SPATA9: variants seen among roughly 807,000 people sequenced by gnomAD.
SPATA9 encodes the protein spermatogenesis-associated protein 9.
Under a neutral mutation model 25.5 loss-of-function variants are expected in SPATA9, and 27 were observed. The observed-to-expected ratio is 1.06, with a 90% CI of 0.78 to 1.46. The LOEUF is 1.46. SPATA9 is among the 40% of genes most tolerant of loss of function. The pLI, the probability that SPATA9 is intolerant of heterozygous loss-of-function variation, is 0.00. For synonymous variants in SPATA9, 102 were observed against 105.7 expected, an observed-to-expected ratio of 0.97 and a Z score of 0.21; for missense variants, 282 against 297.5, an observed-to-expected ratio of 0.95 and a Z score of 0.38.
At chr5:95,729,669 C>G in the SPATA9 span, among the ~76,000 whole-genome samples, 1 of 152,088 alleles carries the variant, frequency 6.6e-6, no homozygotes, top group Non-Finnish European at 1.5e-5. Context: ...TGTTGAACAA[C>G]GCCCCCTTTT....
rs536568318 is a variant in SPATA9, at chr5:95,660,061, G to A, written c.475-1148C>T. ...AGACCCTGTTGTCTTAGGCTTTTAGGGCTGCTGTAACAAAATACCATGAAC... is the reference window on the plus strand; with the variant it reads ...AGACCCTGTTGTCTTAGGCTTTTAGAGCTGCTGTAACAAAATACCATGAAC... On this transcript the variant is annotated intron_variant, in intron 4 of 4. Coordinates refer to ENST00000274432, the MANE Select transcript of SPATA9 (RefSeq NM_031952.4). Among the ~76,000 whole-genome samples the A allele has an allele frequency of 2.0e-5, 3 of 152,116 alleles. No homozygotes were observed. In the South Asian group the frequency reaches 6.2e-4, roughly 32 times the overall value.
intron 2 of SPATA9, among the ~76,000 whole-genome samples, chr5:95,681,795 A>G (rs1753484294): frequency 6.6e-6 from 1 of 152,214 alleles, no homozygotes; most frequent in South Asian, 2.1e-4. Context: ...TTTTGGTTAT[A>G]TACCTCATGT....
At chr5:95,707,795 G>C in the SPATA9 span, among the ~76,000 whole-genome samples, 1 of 152,116 alleles carries the variant, frequency 6.6e-6, no homozygotes, top group Non-Finnish European at 1.5e-5. Flanking sequence ...TTAGCTAAGG[G>C]AGAGTCAATT....
intron 3 of SPATA9, among the ~76,000 whole-genome samples, chr5:95,665,651 G>A (rs1485461065): frequency 6.6e-6 from 1 of 152,138 alleles, no homozygotes; most frequent in Non-Finnish European, 1.5e-5. Context: ...TCTATATCCA[G>A]GCTATTGTGA....
At position 95,682,792 on chromosome 5, in the gene SPATA9, A is replaced by C; in HGVS notation, c.61+2T>G. The C allele has an allele frequency of 6.5e-7, 1 of 1,544,888 alleles. No homozygotes were observed. Among genetic ancestry groups the C allele is most frequent in the Non-Finnish European group, 8.7e-7 (1 of 1,150,076 alleles). On this transcript the variant is annotated splice_donor_variant, in intron 1 of 4. Coordinates refer to ENST00000274432, the MANE Select transcript of SPATA9 (RefSeq NM_031952.4). LOFTEE classifies it high-confidence loss of function. ...CGCCCTTTACAACAAGATTGTGTATACTTCTTCCAGAAAAGTTCTTCAACA... is the reference window on the plus strand; with the variant it reads ...CGCCCTTTACAACAAGATTGTGTATCCTTCTTCCAGAAAAGTTCTTCAACA...
At chr5:95,696,817 C>T (rs1477457376) in intron 1 of SPATA9, among the ~76,000 whole-genome samples, 1 of 152,206 alleles carries the variant, frequency 6.6e-6, no homozygotes, top group Non-Finnish European at 1.5e-5. Context: ...GATTGCACCA[C>T]TGCACTCCAA....
chr5:95,701,547 T>C (rs2112717640), upstream of SPATA9, among the ~76,000 whole-genome samples: 1 of 152,134 alleles, frequency 6.6e-6, no homozygotes, highest in South Asian at 2.1e-4. Flanking sequence ...TAAATCCAAA[T>C]CTGTAGTATT....
At chr5:95,695,984 G>A (rs1282879749) in intron 1 of SPATA9, among the ~76,000 whole-genome samples, 1 of 152,194 alleles carries the variant, frequency 6.6e-6, no homozygotes, top group Non-Finnish European at 1.5e-5. Flanking sequence ...GTTGAGAGCT[G>A]TCCTATGGAA....
chr5:95,683,664 A>G (rs546143941), upstream of SPATA9, among the ~76,000 whole-genome samples: 2 of 152,124 alleles, frequency 1.3e-5, no homozygotes, highest in East Asian at 3.9e-4. Flanking sequence ...CAGCCTCCCG[A>G]GTAGCTGGGA....
chr5:95,693,903 T>C (rs1753949251), intron 1 of SPATA9, among the ~76,000 whole-genome samples: 1 of 152,144 alleles, frequency 6.6e-6, no homozygotes, highest in African/African-American at 2.4e-5. Context: ...TTCACACCTG[T>C]AAATTCCAGA....
the SPATA9 span, chr5:95,708,716 G>A: frequency 1.5e-6 from 1 of 685,740 alleles, no homozygotes; most frequent in African/African-American, 1.8e-5. Flanking sequence ...CCTATGACCG[G>A]TAAGTTGTGT....
chr5:95,667,860 C>T (rs770830417), intron 3 of SPATA9, among the ~76,000 whole-genome samples: 2 of 152,048 alleles, frequency 1.3e-5, no homozygotes, highest in Non-Finnish European at 2.9e-5. Flanking sequence ...ACACCATCCC[C>T]CCTTGGTGCT....
the SPATA9 span, chr5:95,731,541 C>T: frequency 4.2e-6 from 6 of 1,414,230 alleles, no homozygotes; most frequent in South Asian, 3.1e-5. Context: ...CGCTCTGCGT[C>T]GGCCCCGCCG....
At chr5:95,665,709 TCACA>T (rs768963709) in intron 3 of SPATA9, among the ~76,000 whole-genome samples, 1 of 152,238 alleles carries the variant, frequency 6.6e-6, no homozygotes, top group Non-Finnish European at 1.5e-5. Context: ...ACACAGTGGC[TCACA>T]CCTGTAATCC....
At chr5:95,730,388 C>T in the SPATA9 span, among the ~76,000 whole-genome samples, 2 of 152,200 alleles carry the variant, frequency 1.3e-5, no homozygotes, top group Non-Finnish European at 2.9e-5. Flanking sequence ...AGTCTAACCC[C>T]AGAGTAATCC....
At chr5:95,652,653 T>G, downstream of SPATA9, 1 of 269,792 alleles carries the variant, frequency 3.7e-6, no homozygotes, top group Non-Finnish European at 6.9e-6. Flanking sequence ...CTCTGTACTA[T>G]AAAATTAAAA....
the SPATA9 span, chr5:95,731,891 G>T: frequency 6.2e-7 from 1 of 1,613,870 alleles, no homozygotes; most frequent in Non-Finnish European, 8.5e-7. Flanking sequence ...GGGAACGAGG[G>T]GGACACATTC....
the SPATA9 span, among the ~76,000 whole-genome samples, chr5:95,711,031 C>T: frequency 6.6e-6 from 1 of 152,100 alleles, no homozygotes; most frequent in Non-Finnish European, 1.5e-5. Flanking sequence ...CGATAAGCCT[C>T]CCGGAGGTGC....
intron 1 of SPATA9, among the ~76,000 whole-genome samples, chr5:95,689,660 T>C (rs907930726): frequency 3.3e-5 from 5 of 152,266 alleles, no homozygotes; most frequent in Non-Finnish European, 7.4e-5. Context: ...AAACACATTA[T>C]TGGGTTAATA....
Sources: gnomAD v4.1 joint callset for allele counts (sites outside exome capture counted in the v4.1 genomes callset) on GRCh38, gnomAD v4.1.1 for gene constraint, MANE v1.5 for transcripts, NCBI Gene and HGNC (gene_info 2026-07-23, HGNC 2026-07-21) for gene names.